The following ABHD3 variants were observed in gnomAD, a reference collection of about 807,000 sequenced individuals.
The protein encoded by ABHD3 is phospholipase ABHD3.
ABHD3 carries 46 observed loss-of-function variants against 48.8 expected under a neutral mutation model. The observed-to-expected ratio is 0.94, with a 90% CI of 0.74 to 1.20. The LOEUF is 1.20. Among genes scored for constraint, ABHD3 ranks in the 50% most tolerant of loss-of-function variants. The pLI is 0.00. For synonymous variants in ABHD3, 192 were observed against 183.7 expected (o/e 1.04, Z -0.36); for missense variants, 490 against 497.8 (o/e 0.98, Z 0.15).
In ABHD3 at chr18:21,703,579, C is replaced by T. The variant is rs2040563665; in HGVS notation, c.326+5G>A. The T allele has an allele frequency of 1.9e-6, 3 of 1,589,586 alleles. No individual in the cohort carries two copies. Among genetic ancestry groups the T allele is most frequent in the South Asian group, 2.2e-5 (2 of 89,846 alleles). On this transcript the variant is annotated splice_donor_5th_base_variant and intron_variant, in intron 2 of 8. Coordinates refer to ENST00000289119, the MANE Select transcript of ABHD3 (RefSeq NM_138340.5). ...AGAAATGACTGAAAACGGAAATTCA[C>T]TTACTTCCTGTACTGCACCGGGGGC... is the stretch of plus-strand genomic sequence containing the variant.
At chr18:21,663,745 G>A (rs1314082631) in intron 5 of ABHD3, 3 of 1,535,540 alleles carry the variant, frequency 2.0e-6, no homozygotes. Context: ...TCTGTAACTG[G>A]AGTGATGAAA....
chr18:21,690,812 T>C (rs772971405), intron 3 of ABHD3, among the ~76,000 whole-genome samples: 1 of 151,732 alleles, frequency 6.6e-6, no homozygotes, highest in African/African-American at 2.4e-5. Flanking sequence ...CTGGCCAACA[T>C]GGTGAAACCC....
intron 4 of ABHD3, among the ~76,000 whole-genome samples, chr18:21,677,288 G>T (rs1016631063): frequency 6.6e-5 from 10 of 152,020 alleles, no homozygotes; most frequent in African/African-American, 1.9e-4. Context: ...TCCGCCTCCT[G>T]GGTTCACGCC....
At chr18:21,688,507 C>G (rs1290874146) in intron 3 of ABHD3, among the ~76,000 whole-genome samples, 2 of 150,726 alleles carry the variant, frequency 1.3e-5, no homozygotes, top group African/African-American at 4.9e-5. Flanking sequence ...ATTTACTGAA[C>G]TAAAGATTGA....
intron 5 of ABHD3, chr18:21,662,407 C>T (rs1181913046): frequency 1.3e-5 from 2 of 152,198 alleles, no homozygotes; most frequent in African/African-American, 4.8e-5. Flanking sequence ...ACACCTGGCC[C>T]ACCTTTTAGA....
intron 3 of ABHD3, among the ~76,000 whole-genome samples, chr18:21,701,047 C>T (rs1263065810): frequency 4.6e-5 from 7 of 150,622 alleles, no homozygotes; most frequent in Admixed American, 4.6e-4. Flanking sequence ...TACTGCTAAG[C>T]AAATTTCTTG....
chr18:21,692,854 C>T (rs1655997348), intron 3 of ABHD3, among the ~76,000 whole-genome samples: 1 of 152,160 alleles, frequency 6.6e-6, no homozygotes, highest in South Asian at 2.1e-4. Context: ...TGAACTGGCC[C>T]TATTTAATAA....
chr18:21,657,052 T>C, intron 7 of ABHD3, 26 bp from the exon 8 acceptor site: 2 of 1,613,986 alleles, frequency 1.2e-6, no homozygotes, highest in Non-Finnish European at 1.7e-6. Context: ...AAATTATATC[T>C]AGTCTTGCCC....
In ABHD3 at chr18:21,702,250, A is replaced by T. The variant is rs575713346; in HGVS notation, c.509+66T>A. Reference sequence around the variant, plus strand: ...AGTACTAAGTATTTCTGAAACAAACATGTAGATATATTTGTACTTCATTTG... The same window carrying T: ...AGTACTAAGTATTTCTGAAACAAACTTGTAGATATATTTGTACTTCATTTG... On this transcript the variant is annotated intron_variant, in intron 3 of 8. Coordinates refer to ENST00000289119, the MANE Select transcript of ABHD3 (RefSeq NM_138340.5). 1.9e-5 allele frequency: 26 copies of T among 1,335,242 alleles called. No homozygotes were observed. The African/African-American group carries it at 3.9e-4, about 20-fold the overall frequency. 82.7% of individuals were successfully genotyped at this position (1,335,242 alleles called of 1,614,324 possible). A position where few individuals can be genotyped will look rare whatever the true frequency, so the allele number is the denominator to read the frequency against.
intron 4 of ABHD3, among the ~76,000 whole-genome samples, chr18:21,667,335 C>T (rs1455474278): frequency 6.6e-6 from 1 of 150,948 alleles, no homozygotes; most frequent in Non-Finnish European, 1.5e-5. Flanking sequence ...ACCTCCGCCT[C>T]CCAGGTTCAA....
At chr18:21,677,715 T>C (rs2039916978) in intron 4 of ABHD3, among the ~76,000 whole-genome samples, 1 of 151,826 alleles carries the variant, frequency 6.6e-6, no homozygotes, top group Non-Finnish European at 1.5e-5. Context: ...GACGGAGTCT[T>C]GCTCTGTCGC....
chr18:21,698,037 C>T (rs1164527795), intron 3 of ABHD3, among the ~76,000 whole-genome samples: 1 of 151,974 alleles, frequency 6.6e-6, no homozygotes. Context: ...GCAAGTGCAC[C>T]CTGCGCCTCA....
intron 3 of ABHD3, among the ~76,000 whole-genome samples, chr18:21,692,615 AAAGGTGTCTTTAACGTGAGG>A (rs1421546026): frequency 3.3e-5 from 5 of 152,250 alleles, no homozygotes; most frequent in Admixed American, 6.5e-5. Context: ...GAAAAGAGTC[AAAGGTGTCTTTAACGTGAGG>A]AAGCTGGAAA....
At chr18:21,698,700 C>G (rs1418418938) in intron 3 of ABHD3, among the ~76,000 whole-genome samples, 1 of 152,014 alleles carries the variant, frequency 6.6e-6, no homozygotes, top group East Asian at 1.9e-4. Flanking sequence ...CCTCAGCCTC[C>G]CAAGTAGCTG....
intron 4 of ABHD3, among the ~76,000 whole-genome samples, chr18:21,673,380 G>A (rs8092039): frequency 0.31 from 46,753 of 151,714 alleles, 10,026 homozygotes; most frequent in African/African-American, 0.58. Context: ...CGCAACCTCC[G>A]CCTCCCAGGT....
At chr18:21,678,494 T>C (rs1281096672) in intron 4 of ABHD3, among the ~76,000 whole-genome samples, 4 of 152,136 alleles carry the variant, frequency 2.6e-5, no homozygotes, top group African/African-American at 9.7e-5. Flanking sequence ...TAACTAAAAA[T>C]AGCTTTCTGT....
At chr18:21,697,836 CA>C (rs969800262) in intron 3 of ABHD3, among the ~76,000 whole-genome samples, 5 of 152,148 alleles carry the variant, frequency 3.3e-5, no homozygotes, top group Non-Finnish European at 5.9e-5. Context: ...GGGGAAAAAA[CA>C]ATGGTTTAAC....
chr18:21,703,661 C>G lies in ABHD3; in HGVS notation c.249G>C (p.Thr83=). The change falls in exon 2 of 9, where the codon ACG becomes ACC. Residue 83 remains threonine, a synonymous_variant. Coordinates refer to ENST00000289119, the MANE Select transcript of ABHD3 (RefSeq NM_138340.5). The part of the protein sequence containing the change: ...CPVVTETYYP[T]VWCWEGRGQT... ...GTCCTCGACCCTCCCAGCACCAGAC[C>G]GTCGGGTAGTACGTTTCTGTAACCA... is the stretch of plus-strand genomic sequence containing the variant. 1 of 1,614,112 alleles carries G rather than the reference C, an allele frequency of 6.2e-7. No individual in the cohort carries two copies.
chr18:21,703,555 G>A (rs2040563197), intron 2 of ABHD3, 29 bp downstream of exon 2: 1 of 1,591,056 alleles, frequency 6.3e-7, no homozygotes, highest in Non-Finnish European at 8.6e-7. Context: ...TGATTTTGCA[G>A]AAATGACTGA....
Sources: allele counts gnomAD v4.1 joint callset (sites outside exome capture counted in the v4.1 genomes callset), GRCh38; gene constraint gnomAD v4.1.1; transcripts MANE v1.5; gene names NCBI Gene and HGNC (gene_info 2026-07-23, HGNC 2026-07-21).